The following DOCK9 variants were observed in gnomAD, a reference collection of about 807,000 sequenced individuals.
The protein encoded by DOCK9 is dedicator of cytokinesis 9.
In DOCK9, 89 loss-of-function variants were observed where a neutral mutation model predicts 263.3. That is an observed-to-expected ratio of 0.34 (90% CI 0.28 to 0.40). The LOEUF (loss-of-function observed/expected upper bound fraction) is 0.40. Among genes scored for constraint, DOCK9 ranks in the 10% least tolerant of loss-of-function variants. The pLI, the probability that DOCK9 is intolerant of heterozygous loss-of-function variation, is 1.00. For synonymous variants in DOCK9, 976 were observed against 973.1 expected (o/e 1.00, Z -0.06); for missense variants, 2,140 against 2,603.4 (o/e 0.82, Z 3.87).
At chr13:98,858,249 T>C (rs1287371006) in intron 33 of DOCK9, 1 of 152,168 alleles carries the variant, frequency 6.6e-6, no homozygotes, top group Non-Finnish European at 1.5e-5. Flanking sequence ...GATAAATTCG[T>C]CCCTCTTCCC....
At chr13:98,893,916 T>C (rs1210420866) in intron 15 of DOCK9, among the ~76,000 whole-genome samples, 1 of 152,248 alleles carries the variant, frequency 6.6e-6, no homozygotes, top group African/African-American at 2.4e-5. Flanking sequence ...ATCGGATCCC[T>C]GTTTTCAGGT....
chr13:98,986,956 C>T (rs1289354500), intron 1 of DOCK9, among the ~76,000 whole-genome samples: 4 of 152,172 alleles, frequency 2.6e-5, no homozygotes, highest in Admixed American at 6.5e-5. Flanking sequence ...AGCCTCCCTT[C>T]TCTCTGCTGT....
rs11839464 is a variant in DOCK9 at position 98,947,056 on chromosome 13, C to A, written c.243+8379G>T. 3.7e-3 allele frequency among the ~76,000 whole-genome samples: 568 copies of A among 152,316 alleles called. 4 individuals are homozygous for A. The highest frequency in any genetic ancestry group is 0.013 in the African/African-American group (544 of 41,570). Reference sequence around the variant, plus strand: ...GATCTTCCTTTTTAAACACTTCTCTCAGGGCTGGACTTCTGCGTTTCCAGC... The same window carrying A: ...GATCTTCCTTTTTAAACACTTCTCTAAGGGCTGGACTTCTGCGTTTCCAGC... On this transcript the variant is annotated intron_variant, in intron 2 of 52. Coordinates refer to ENST00000682017, the MANE Select transcript of DOCK9 (RefSeq NM_001366683.2).
Position 98,850,042 on chromosome 13 carries a change from C to T in DOCK9, c.4013+5G>A. ...GAGGCAGTGATCAAAGAGAAAGCTACTTACTCAGATATTGTAAAAAAATCC... is the reference window on the plus strand; with the variant it reads ...GAGGCAGTGATCAAAGAGAAAGCTATTTACTCAGATATTGTAAAAAAATCC... On this transcript the variant is annotated splice_donor_5th_base_variant and intron_variant, in intron 36 of 52. Transcript: ENST00000682017. The T allele has an allele frequency of 6.4e-7, 1 of 1,564,232 alleles. No individual in the cohort carries two copies. Among genetic ancestry groups the T allele is most frequent in the Middle Eastern group, 1.7e-4 (1 of 5,912 alleles).
At chr13:98,961,602 C>T (rs1666868254) in intron 1 of DOCK9, among the ~76,000 whole-genome samples, 1 of 152,222 alleles carries the variant, frequency 6.6e-6, no homozygotes, top group Admixed American at 6.5e-5. Context: ...TACTTAGCAG[C>T]AGTCCTGGGA....
intron 1 of DOCK9, among the ~76,000 whole-genome samples, chr13:99,018,216 C>A (rs1408614346): frequency 6.6e-6 from 1 of 152,128 alleles, no homozygotes; most frequent in Non-Finnish European, 1.5e-5. Flanking sequence ...GGAAGTGGGA[C>A]CTTCCAGTAG....
chr13:98,867,171 C>T (rs753320637), intron 30 of DOCK9: 1 of 541,108 alleles, frequency 1.8e-6, no homozygotes, highest in Non-Finnish European at 3.3e-6. Flanking sequence ...GAAATAGATT[C>T]CTTTTCTTTA....
chr13:98,989,823 T>C (rs1323150354), intron 1 of DOCK9, among the ~76,000 whole-genome samples: 1 of 152,246 alleles, frequency 6.6e-6, no homozygotes, highest in East Asian at 1.9e-4. Flanking sequence ...ATAGGGTTCA[T>C]GCTATACAAA....
chr13:99,027,764 G>A (rs766248941), intron 1 of DOCK9, among the ~76,000 whole-genome samples: 2 of 152,034 alleles, frequency 1.3e-5, no homozygotes, highest in African/African-American at 4.8e-5. Flanking sequence ...TATAGCTCAC[G>A]GAGCTGTTTT....
chr13:98,930,172 G>A lies in DOCK9; in HGVS notation c.329C>T (p.Thr110Ile), dbSNP rs748409347. ...TAATGCAGGAAAGAGCCTTACCTCT[G>A]TAACAAACAAGCTCTGTGCTTCCTC... is the stretch of plus-strand genomic sequence containing the variant. ...AEEEAQSLFVTECIKTYNSDW... is the reference protein window; with the variant it reads ...AEEEAQSLFVIECIKTYNSDW... Residue 110 changes from threonine (T) to isoleucine (I), a missense_variant, in exon 3 of 53, where the codon ACA (threonine) becomes ATA (isoleucine). By Grantham distance (89) the Thr-to-Ile change is moderately conservative. This residue lies in a region of DOCK9 where 1,521 missense variants were observed against 1,741.7 expected (regional missense o/e 0.87). Transcript: ENST00000682017. 3 of 1,608,952 alleles carry A rather than the reference G, an allele frequency of 1.9e-6. No individual in the cohort carries two copies. The East Asian group carries it at 6.7e-5, about 36-fold the overall frequency.
chr13:98,895,706 T>A (rs996176923), intron 15 of DOCK9, among the ~76,000 whole-genome samples: 10 of 152,094 alleles, frequency 6.6e-5, no homozygotes, highest in African/African-American at 2.4e-4. Context: ...CCACGAAGGT[T>A]AAAACTAGTA....
At chr13:98,993,870 C>T (rs2141739726) in intron 1 of DOCK9, among the ~76,000 whole-genome samples, 1 of 152,178 alleles carries the variant, frequency 6.6e-6, no homozygotes, top group Middle Eastern at 3.4e-3. Flanking sequence ...GTGAAATTTG[C>T]TTATGTTGAA....
intron 4 of DOCK9, among the ~76,000 whole-genome samples, chr13:98,924,991 C>G (rs2052687035): frequency 6.6e-6 from 1 of 151,824 alleles, no homozygotes; most frequent in African/African-American, 2.4e-5. Flanking sequence ...ACGGTGAAAC[C>G]CTGTCTCTAC....
chr13:99,074,650 T>C (rs1002944384), intron 1 of DOCK9, among the ~76,000 whole-genome samples: 6 of 152,172 alleles, frequency 3.9e-5, no homozygotes, highest in African/African-American at 1.4e-4. Context: ...AGCCAATCAA[T>C]AGCCCATGTT....
chr13:99,027,032 G>A (rs962052183), intron 1 of DOCK9, among the ~76,000 whole-genome samples: 17 of 151,920 alleles, frequency 1.1e-4, no homozygotes, highest in African/African-American at 1.5e-4. Context: ...TGTTGTTGTC[G>A]TTGTTGAGAC....
At chr13:98,836,705 A>G (rs1469347256) in intron 39 of DOCK9, among the ~76,000 whole-genome samples, 1 of 152,048 alleles carries the variant, frequency 6.6e-6, no homozygotes, top group African/African-American at 2.4e-5. Flanking sequence ...AAGGTATATA[A>G]TAATAAAGGG....
chr13:99,009,704 A>G (rs1299340424), intron 1 of DOCK9, among the ~76,000 whole-genome samples: 1 of 151,842 alleles, frequency 6.6e-6, no homozygotes, highest in Admixed American at 6.6e-5. Context: ...CACAAGCAGG[A>G]TGGGGGCTTT....
chr13:98,888,061 G>A (rs1165046571), intron 18 of DOCK9, 97 bp downstream of exon 18: 2 of 764,502 alleles, frequency 2.6e-6, no homozygotes, highest in Non-Finnish European at 4.2e-6. Context: ...CAATTAAAAT[G>A]TGCTAAACTG....
rs1878888641 is a variant in DOCK9 at position 98,988,039 on chromosome 13, CT to C, written c.130-32489del. ...AAACAAATGGCTTTTATTTTCCCTT[CT>C]TTCTACTTATCTGTATATTTAAAAT... On this transcript the variant is annotated intron_variant, in intron 1 of 32. Coordinates refer to the DOCK9 transcript ENST00000427887. Among the ~76,000 whole-genome samples, 3 of 152,058 alleles carry C rather than the reference CT, an allele frequency of 2.0e-5. No individual in the cohort carries two copies. The South Asian group carries it at 6.2e-4, about 31-fold the overall frequency.
Sources: allele counts gnomAD v4.1 joint callset (sites outside exome capture counted in the v4.1 genomes callset), GRCh38; gene constraint gnomAD v4.1.1; regional missense constraint gnomAD v4.1.1; transcripts MANE v1.5; gene names NCBI Gene and HGNC (gene_info 2026-07-23, HGNC 2026-07-21).